The following CTNNA3 variants were observed in gnomAD, a reference collection of about 807,000 sequenced individuals.
CTNNA3 encodes the protein catenin alpha-3.
CTNNA3 carries 76 observed loss-of-function variants against 95.7 expected under a neutral mutation model. That is an observed-to-expected ratio of 0.79 (90% CI 0.66 to 0.96). CTNNA3 has a LOEUF of 0.96. CTNNA3 is among the 40% of genes least tolerant of loss of function. The pLI, the probability that CTNNA3 is intolerant of heterozygous loss-of-function variation, is 0.00. For synonymous variants in CTNNA3, 431 were observed against 374.4 expected, an observed-to-expected ratio of 1.15 and a Z score of -1.74; for missense variants, 1,191 against 1,089.8, an observed-to-expected ratio of 1.09 and a Z score of -1.31.
At chr10:67,100,995 A>T (rs1317091153) in intron 7 of CTNNA3, among the ~76,000 whole-genome samples, 1 of 151,734 alleles carries the variant, frequency 6.6e-6, no homozygotes, top group Non-Finnish European at 1.5e-5. Flanking sequence ...TTGTTTAGTA[A>T]TCCCTATTTT....
chr10:66,255,641 C>T (rs149362527), intron 13 of CTNNA3, among the ~76,000 whole-genome samples: 327 of 152,266 alleles, frequency 2.1e-3, no homozygotes, highest in African/African-American at 7.2e-3. Flanking sequence ...TCACCCTCTC[C>T]CCATAAACAG....
chr10:66,658,909 G>T (rs1589083848), intron 9 of CTNNA3, among the ~76,000 whole-genome samples: 3 of 152,058 alleles, frequency 2.0e-5, no homozygotes, highest in East Asian at 3.9e-4. Context: ...GACCAGGCTG[G>T]TCTCAAACTC....
At chr10:65,986,029 C>T (rs1269786820) in intron 16 of CTNNA3, among the ~76,000 whole-genome samples, 3 of 151,306 alleles carry the variant, frequency 2.0e-5, no homozygotes, top group African/African-American at 7.3e-5. Context: ...TAAATATATT[C>T]TTATCCCATT....
At chr10:66,346,246 T>TATATATATATAGAGAGAGAGAG (rs1416945569) in intron 12 of CTNNA3, among the ~76,000 whole-genome samples, 1 of 27,788 alleles carries the variant, frequency 3.6e-5, no homozygotes, top group Non-Finnish European at 7.6e-5. Context: ...TATATATATA[T>TATATATATATAGAGAGAGAGAG]AGAGAGAGAG....
chr10:66,562,834 A>G (rs1054208153), intron 10 of CTNNA3, among the ~76,000 whole-genome samples: 4 of 152,036 alleles, frequency 2.6e-5, no homozygotes, highest in Admixed American at 1.3e-4. Flanking sequence ...ATTTCACTGG[A>G]AATATCTTTA....
chr10:66,801,226 A>G (rs1841416674), intron 7 of CTNNA3, among the ~76,000 whole-genome samples: 1 of 151,434 alleles, frequency 6.6e-6, no homozygotes, highest in African/African-American at 2.4e-5. Context: ...ACAGACAACA[A>G]AATAAAATCA....
At chr10:67,143,950 A>G (rs962642452) in intron 7 of CTNNA3, among the ~76,000 whole-genome samples, 1 of 152,274 alleles carries the variant, frequency 6.6e-6, no homozygotes, top group African/African-American at 2.4e-5. Flanking sequence ...GCCCAGATCT[A>G]TCAGAGGAAT....
intron 11 of CTNNA3, among the ~76,000 whole-genome samples, chr10:66,427,519 A>G (rs929181706): frequency 3.3e-5 from 5 of 152,060 alleles, no homozygotes; most frequent in African/African-American, 1.2e-4. Context: ...GAATTTTTGC[A>G]ATGTGTATAA....
At chr10:67,101,847 TAA>T (rs1858364991) in intron 7 of CTNNA3, among the ~76,000 whole-genome samples, 1 of 151,820 alleles carries the variant, frequency 6.6e-6, no homozygotes, top group South Asian at 2.1e-4. Flanking sequence ...TCTCTCAAAC[TAA>T]ACACTCAAAA....
At chr10:66,860,468 A>T (rs950269184) in intron 7 of CTNNA3, among the ~76,000 whole-genome samples, 4 of 152,174 alleles carry the variant, frequency 2.6e-5, no homozygotes, top group African/African-American at 9.7e-5. Context: ...TCATTCAAAA[A>T]TATAACAAAC....
intron 7 of CTNNA3, among the ~76,000 whole-genome samples, chr10:66,862,281 T>C (rs1843970007): frequency 1.3e-5 from 2 of 152,150 alleles, no homozygotes; most frequent in African/African-American, 4.8e-5. Context: ...AAATCTTAAC[T>C]CCTGTTTATA....
rs72802656 is a variant in CTNNA3, at chr10:66,798,573, C to A, written c.1048-23049G>T. ...CAATTCAGATCAATCTTAGTTCTTT[C>A]GACATCTAATTGGAAACTCCAAATC... On this transcript the variant is annotated intron_variant, in intron 7 of 17. Coordinates refer to ENST00000433211, the MANE Select transcript of CTNNA3 (RefSeq NM_013266.4). Among the ~76,000 whole-genome samples the A allele has an allele frequency of 8.1e-3, 1,226 of 150,732 alleles. 6 individuals are homozygous for A. The highest frequency in any genetic ancestry group is 0.017 in the Middle Eastern group (5 of 294).
chr10:66,852,286 C>A (rs945571717), intron 7 of CTNNA3, among the ~76,000 whole-genome samples: 4 of 152,016 alleles, frequency 2.6e-5, no homozygotes, highest in African/African-American at 9.7e-5. Flanking sequence ...TATAAACAAT[C>A]TGATGGAAGG....
At chr10:67,686,286 T>C (rs1840728909) in intron 1 of CTNNA3, among the ~76,000 whole-genome samples, 1 of 152,248 alleles carries the variant, frequency 6.6e-6, no homozygotes, top group South Asian at 2.1e-4. Context: ...TTTCAAGTAC[T>C]GTTACTATGG....
At chr10:66,838,943 C>A (rs960241186) in intron 7 of CTNNA3, among the ~76,000 whole-genome samples, 2 of 152,126 alleles carry the variant, frequency 1.3e-5, no homozygotes, top group African/African-American at 4.8e-5. Context: ...AGCCCCAAAG[C>A]CTATCACTAT....
At chr10:66,461,642 T>C (rs1387842628) in intron 11 of CTNNA3, among the ~76,000 whole-genome samples, 2 of 150,304 alleles carry the variant, frequency 1.3e-5, no homozygotes, top group Non-Finnish European at 3.0e-5. Flanking sequence ...ATATCATTAT[T>C]TCACATGTAG....
At chr10:66,094,467 C>T (rs574292227) in intron 14 of CTNNA3, among the ~76,000 whole-genome samples, 2 of 152,092 alleles carry the variant, frequency 1.3e-5, no homozygotes, top group East Asian at 3.9e-4. Flanking sequence ...TGGAAGTTTA[C>T]AAAACTGATG....
chr10:67,390,118 G>A (rs1277932940), intron 5 of CTNNA3, among the ~76,000 whole-genome samples: 1 of 152,112 alleles, frequency 6.6e-6, no homozygotes, highest in Non-Finnish European at 1.5e-5. Context: ...ATGAATCCAG[G>A]AGCTGGTTTT....
In CTNNA3 at chr10:66,083,672, C is replaced by A. The variant is rs146299350; in HGVS notation, c.1978-14183G>T. On this transcript the variant is annotated intron_variant, in intron 14 of 17. Transcript: ENST00000433211. Reference sequence around the variant, plus strand: ...CTTATTCTTCTACGCTAGTTATGACCCATCCTATGTATTGTGGAAACCATC... The same window carrying A: ...CTTATTCTTCTACGCTAGTTATGACACATCCTATGTATTGTGGAAACCATC... Among the ~76,000 whole-genome samples, 387 of 152,182 alleles carry A rather than the reference C, an allele frequency of 2.5e-3. 5 individuals are homozygous for A. The highest frequency in any genetic ancestry group is 9.0e-3 in the African/African-American group (375 of 41,546).
Sources: allele counts gnomAD v4.1 joint callset (sites outside exome capture counted in the v4.1 genomes callset), GRCh38; gene constraint gnomAD v4.1.1; transcripts MANE v1.5; gene names NCBI Gene and HGNC (gene_info 2026-07-23, HGNC 2026-07-21).